The following ZNF620 variants were observed in gnomAD, a reference collection of about 807,000 sequenced individuals.
ZNF620 encodes the protein zinc finger protein 620.
Under a neutral mutation model 13.3 loss-of-function variants are expected in ZNF620, and 10 were observed. The observed-to-expected ratio is 0.75, with a 90% CI of 0.46 to 1.28. The LOEUF is 1.28. ZNF620 is among the 50% of genes most tolerant of loss of function. The pLI, the probability that ZNF620 is intolerant of heterozygous loss-of-function variation, is 0.00. For synonymous variants in ZNF620, 166 were observed against 177.6 expected (o/e 0.93, Z 0.52); for missense variants, 461 against 500.2 (o/e 0.92, Z 0.75).
chr3:40,516,309 C>G lies in ZNF620; in HGVS notation c.715C>G (p.Leu239Val), dbSNP rs767688778. The part of the protein sequence containing the change: ...CGKYFRYNSL[L>V]IRHQIIHTGK... The stretch of plus-strand genomic sequence containing the variant: ...AAAATACTTCAGATATAACTCATTA[C>G]TTATTCGGCATCAGATAATTCACAC... Residue 239 changes from leucine (L) to valine (V), a missense_variant, in exon 5 of 5, where the codon CTT (leucine) becomes GTT (valine). Transcript: ENST00000314529. 1 of 1,614,128 alleles carries G rather than the reference C, an allele frequency of 6.2e-7. No individual in the cohort carries two copies. The highest frequency in any genetic ancestry group is 8.5e-7 in the Non-Finnish European group (1 of 1,180,028).
rs1387411089 is a variant in ZNF620, at chr3:40,516,095, A to C, written c.501A>C (p.Gly167=). Residue 167 remains glycine, a synonymous_variant, in exon 5 of 5, where the codon GGA becomes GGC. Coordinates refer to ENST00000314529, the MANE Select transcript of ZNF620 (RefSeq NM_175888.4). ...ATGAGGCCTATGAGGTCAAGAATGG[A>C]GAGAAGTTTGAGAAATTAGGAAAAA... ...RHHEAYEVKN[G]EKFEKLGKNI... is the part of the protein sequence containing the mutation. The C allele has an allele frequency of 6.2e-7, 1 of 1,614,016 alleles. No homozygotes were observed. Among genetic ancestry groups the C allele is most frequent in the African/African-American group, 1.3e-5 (1 of 74,928 alleles).
chr3:40,510,084 G>A (rs1267091196), intron 2 of ZNF620, among the ~76,000 whole-genome samples: 2 of 151,072 alleles, frequency 1.3e-5, no homozygotes, highest in East Asian at 1.9e-4. Flanking sequence ...ACAGTAGCAC[G>A]ATCACGGCTC....
Position 40,513,317 on chromosome 3 carries a change from ATATAT to A in ZNF620, c.265+803_265+807del, listed in dbSNP as rs1194264099. ...CCGTCTCAACTAAAAAAAAAAAAAA[ATATAT>A]ATATATATATATATATATATATATA... is the stretch of plus-strand genomic sequence containing the variant. On this transcript the variant is annotated intron_variant, in intron 4 of 4. Transcript: ENST00000314529. Among the ~76,000 whole-genome samples the A allele has an allele frequency of 5.3e-3, 479 of 90,338 alleles. 17 individuals are homozygous for A. Among genetic ancestry groups the A allele is most frequent in the Middle Eastern group, 0.019 (3 of 154 alleles). 59.3% of individuals were successfully genotyped at this position (90,338 alleles called of 152,430 possible).
chr3:40,508,363 A>G (rs773402602), intron 2 of ZNF620, among the ~76,000 whole-genome samples: 3 of 152,040 alleles, frequency 2.0e-5, no homozygotes, highest in Non-Finnish European at 4.4e-5. Flanking sequence ...CTTTAGCATT[A>G]TCCCGCAAAT....
At chr3:40,512,079 G>T (rs1698218675) in intron 3 of ZNF620, among the ~76,000 whole-genome samples, 1 of 152,160 alleles carries the variant, frequency 6.6e-6, no homozygotes, top group African/African-American at 2.4e-5. Flanking sequence ...CCCAGGTTTT[G>T]AAATCACCTG....
chr3:40,511,131 A>G (rs1698184837), intron 2 of ZNF620, among the ~76,000 whole-genome samples: 1 of 151,638 alleles, frequency 6.6e-6, no homozygotes, highest in African/African-American at 2.4e-5. Context: ...AGTGTTATTC[A>G]CTGTGTTTAT....
chr3:40,507,154 C>T (rs750470201), intron 2 of ZNF620, among the ~76,000 whole-genome samples: 1 of 139,290 alleles, frequency 7.2e-6, no homozygotes, highest in Non-Finnish European at 1.5e-5. Flanking sequence ...TGCAGTGGCG[C>T]GATCCTGGTT....
At position 40,518,665 on chromosome 3, in the gene ZNF620, G is replaced by A. The variant is rs1336049494; in HGVS notation, c.*1802G>A. The A allele has an allele frequency of 6.7e-6, 1 of 149,266 alleles. No homozygotes were observed. The highest frequency in any genetic ancestry group is 2.5e-5 in the African/African-American group (1 of 40,414). 9.2% of individuals were successfully genotyped at this position (149,266 alleles called of 1,614,324 possible). Reference sequence around the variant, plus strand: ...AGCCCAGGGAGGCAGAGGTTGCAGTGAGCCAAGATCATGCCACTGCACTCC... The same window carrying A: ...AGCCCAGGGAGGCAGAGGTTGCAGTAAGCCAAGATCATGCCACTGCACTCC... On this transcript the variant is annotated 3_prime_UTR_variant, in exon 5 of 5. Coordinates refer to ENST00000314529, the MANE Select transcript of ZNF620 (RefSeq NM_175888.4).
intron 3 of ZNF620, 80 bp downstream of exon 3, chr3:40,511,676 TTTTC>T (rs1192514375): frequency 3.3e-6 from 5 of 1,533,468 alleles, no homozygotes; most frequent in African/African-American, 2.8e-5. Context: ...TGTGGGGTTT[TTTTC>T]TTTTTTTCTT....
Position 40,516,610 on chromosome 3 carries a change from AAG to A in ZNF620, c.1019_1020del (p.Glu340ValfsTer25). 1 of 1,614,152 alleles carries A rather than the reference AAG, an allele frequency of 6.2e-7. No individual in the cohort carries two copies. The highest frequency in any genetic ancestry group is 1.7e-5 in the Admixed American group (1 of 60,022). On this transcript the variant is annotated frameshift_variant, in exon 5 of 5. Coordinates refer to ENST00000314529, the MANE Select transcript of ZNF620 (RefSeq NM_175888.4). LOFTEE classifies it low-confidence loss of function (END_TRUNC). ...ACTGGGGAGAAACCTTATGAATGTA[AAG>A]AGTGTGGAAAACGATTAAGCTCCAA...
intron 4 of ZNF620, among the ~76,000 whole-genome samples, chr3:40,513,982 C>A (rs749793502): frequency 6.6e-6 from 1 of 152,122 alleles, no homozygotes; most frequent in Non-Finnish European, 1.5e-5. Context: ...CTTAGCAGAC[C>A]TTGGTCTAGC....
At chr3:40,510,573 T>A (rs569142901) in intron 2 of ZNF620, among the ~76,000 whole-genome samples, 1 of 152,246 alleles carries the variant, frequency 6.6e-6, no homozygotes, top group Non-Finnish European at 1.5e-5. Context: ...AGTGCACATT[T>A]ACAAAATCCT....
chr3:40,512,551 T>C (rs1400639297), intron 4 of ZNF620, 36 bp downstream of exon 4: 1 of 1,478,782 alleles, frequency 6.8e-7, no homozygotes, highest in Non-Finnish European at 9.2e-7. Context: ...CTTTTTGGCT[T>C]GGCTTGCTTT....
Position 40,516,513 on chromosome 3 carries a change from C to G in ZNF620, c.919C>G (p.Leu307Val). Residue 307 changes from leucine (L) to valine (V), a missense_variant, in exon 5 of 5, where the codon CTC becomes GTC. Physicochemically the swap from Leu to Val is conservative, Grantham distance 32 (BLOSUM62 1). Coordinates refer to ENST00000314529, the MANE Select transcript of ZNF620 (RefSeq NM_175888.4). ...CCAGAGGTTCCACACTGGGGAGAAG[C>G]TCTATGAATGTAACGAATGTTGGAA... The part of the protein sequence containing the change: ...QHQRFHTGEK[L>V]YECNECWKTF... 6.2e-7 allele frequency: 1 copy of G among 1,614,162 alleles called. No homozygotes were observed. Among genetic ancestry groups the G allele is most frequent in the South Asian group, 1.1e-5 (1 of 91,084 alleles).
chr3:40,516,522 T>C lies in ZNF620; in HGVS notation c.928T>C (p.Cys310Arg), dbSNP rs1210737053. ...RFHTGEKLYE[C>R]NECWKTFSCS... is the part of the protein sequence containing the mutation. ...CCACACTGGGGAGAAGCTCTATGAA[T>C]GTAACGAATGTTGGAAAACTTTCAG... Residue 310 changes from cysteine to arginine, a missense_variant, in exon 5 of 5, where the codon TGT (cysteine) becomes CGT (arginine). By Grantham distance (180) the Cys-to-Arg change is radical (BLOSUM62 -3). Coordinates refer to ENST00000314529, the MANE Select transcript of ZNF620 (RefSeq NM_175888.4). The C allele has an allele frequency of 6.2e-7, 1 of 1,614,194 alleles. No homozygotes were observed. The highest frequency in any genetic ancestry group is 1.6e-4 in the Middle Eastern group (1 of 6,062).
chr3:40,512,646 T>C, intron 4 of ZNF620, 131 bp downstream of exon 4: 2 of 668,652 alleles, frequency 3.0e-6, no homozygotes, highest in South Asian at 4.1e-5. Context: ...CATGTGATTC[T>C]CTGAGTTCAT....
chr3:40,518,606 C>T lies in ZNF620; in HGVS notation c.*1743C>T, dbSNP rs1479791186. ...TAGCTGGGCGTGGGGTGACATGTGC[C>T]TGTAGTCCCAGCTACTTGGGAGGCT... On this transcript the variant is annotated 3_prime_UTR_variant, in exon 5 of 5. Coordinates refer to ENST00000314529, the MANE Select transcript of ZNF620 (RefSeq NM_175888.4). 1 of 151,700 alleles carries T rather than the reference C, an allele frequency of 6.6e-6. No homozygotes were observed. Among genetic ancestry groups the T allele is most frequent in the African/African-American group, 2.4e-5 (1 of 41,250 alleles). 9.4% of individuals were successfully genotyped at this position (151,700 alleles called of 1,614,324 possible).
At chr3:40,511,679 T>C (rs1480447372) in intron 3 of ZNF620, 83 bp downstream of exon 3, 4 of 1,534,374 alleles carry the variant, frequency 2.6e-6, no homozygotes, top group East Asian at 4.7e-5. Flanking sequence ...GGGGTTTTTT[T>C]CTTTTTTTCT....
chr3:40,513,317 A>AAAAAAATATG (rs751114191), intron 4 of ZNF620, among the ~76,000 whole-genome samples: 1 of 90,378 alleles, frequency 1.1e-5, no homozygotes, highest in East Asian at 3.3e-4. Flanking sequence ...AAAAAAAAAA[A>AAAAAAATATG]TATATATATA....
Sources: gnomAD v4.1 joint callset for allele counts (sites outside exome capture counted in the v4.1 genomes callset) on GRCh38, gnomAD v4.1.1 for gene constraint, MANE v1.5 for transcripts, NCBI Gene and HGNC (gene_info 2026-07-23, HGNC 2026-07-21) for gene names.